The following PLEKHG3 variants were observed in gnomAD, a reference collection of about 807,000 sequenced individuals.
The protein encoded by PLEKHG3 is pleckstrin homology domain-containing family G member 3.
Under a neutral mutation model 94.9 loss-of-function variants are expected in PLEKHG3, and 62 were observed. The observed-to-expected ratio is 0.65, with a 90% CI of 0.53 to 0.81. The LOEUF is 0.81. Ranked by LOEUF, PLEKHG3 falls within the 30% of genes least tolerant of loss-of-function variation. PLEKHG3 has a pLI of 0.00. For missense variants in PLEKHG3, 1,461 were observed against 1,619.3 expected, an observed-to-expected ratio of 0.90 and a Z score of 1.68; for synonymous variants, 614 against 654.0, an observed-to-expected ratio of 0.94 and a Z score of 0.93.
At position 64,743,250 on chromosome 14, in the gene PLEKHG3, C is replaced by G. The variant is rs1487265145; in HGVS notation, c.3207C>G (p.Gly1069=). The G allele has an allele frequency of 3.1e-6, 5 of 1,606,336 alleles. No individual in the cohort carries two copies. The highest frequency in any genetic ancestry group is 3.4e-5 in the Admixed American group (2 of 59,696). The part of the protein sequence containing the change: ...SRDEARRAGG[G]RPRGPPVNRS... ...ATGAGGCACGCCGAGCAGGGGGCGGCCGGCCCCGCGGCCCACCCGTCAACA... is the reference window on the plus strand; with the variant it reads ...ATGAGGCACGCCGAGCAGGGGGCGGGCGGCCCCGCGGCCCACCCGTCAACA... The change falls in exon 17 of 17, where the codon GGC becomes GGG. Residue 1069 remains glycine, a synonymous_variant. Coordinates refer to ENST00000247226, the MANE Select transcript of PLEKHG3 (RefSeq NM_001308147.2). The surrounding 1 kb of genome is among the most constrained non-coding windows in gnomAD (Gnocchi z 7.2).
In PLEKHG3 at chr14:64,737,388, GGGAGGAGGGGACT is replaced by G. The variant is rs753795790; in HGVS notation, c.1404+16_1404+28del. The stretch of plus-strand genomic sequence containing the variant: ...AGCAGGAATGAAGGTAAAGGCCAGT[GGGAGGAGGGGACT>G]GGCTGACAGAGGAGGGTGGGACTGC... On this transcript the variant is annotated intron_variant, in intron 14 of 16. Transcript: ENST00000247226. The G allele has an allele frequency of 5.7e-6, 9 of 1,577,202 alleles. No individual in the cohort carries two copies. In the East Asian group the frequency reaches 2.0e-4, roughly 35 times the overall value.
intron 14 of PLEKHG3, chr14:64,737,987 G>A: frequency 1.6e-6 from 2 of 1,250,738 alleles, no homozygotes; most frequent in Non-Finnish European, 2.1e-6. Context: ...TGGAGGAGGA[G>A]GAGGAGGAGG....
Position 64,738,318 on chromosome 14 carries a change from C to A in PLEKHG3, c.1405-424C>A. On this transcript the variant is annotated intron_variant, in intron 14 of 16. Transcript: ENST00000247226. This position sits in a 1 kb window ranked among gnomAD's most constrained non-coding sequence, Gnocchi z 4.8. ...CCCCTCTGCTGCCCTCCTCACCCCA[C>A]CCTGCCCTGGTTTTACTCCTCCCCT... is the stretch of plus-strand genomic sequence containing the variant. The A allele has an allele frequency of 1.4e-6, 1 of 737,566 alleles. No homozygotes were observed. The highest frequency in any genetic ancestry group is 1.6e-5 in the South Asian group (1 of 61,134). 45.7% of individuals were successfully genotyped at this position (737,566 alleles called of 1,614,324 possible). A position where few individuals can be genotyped will look rare whatever the true frequency, so the allele number is the denominator to read the frequency against.
intron 12 of PLEKHG3, among the ~76,000 whole-genome samples, chr14:64,734,102 C>G (rs935209253): frequency 1.3e-5 from 2 of 152,032 alleles, no homozygotes; most frequent in African/African-American, 2.4e-5. Context: ...TGTTAGCCTT[C>G]GAGAAGGTGG....
In PLEKHG3 at chr14:64,715,923, C is replaced by T. The variant is rs941710508; in HGVS notation, c.-40+11219C>T. 25 of 417,570 alleles carry T rather than the reference C, an allele frequency of 6.0e-5. No homozygotes were observed. The highest frequency in any genetic ancestry group is 1.5e-4 in the East Asian group (2 of 13,526). The allele number at this position is 417,570 out of a possible 1,614,324, so 25.9% of individuals were successfully genotyped here. On this transcript the variant is annotated intron_variant, in intron 1 of 16. Transcript: ENST00000247226. This position sits in a 1 kb window ranked among gnomAD's most constrained non-coding sequence, Gnocchi z 4.4. ...TGGTTCTGAATAGAACATTTATTGACGAAGTTTTGCAGGAGGCGGCGGGCG... is the reference window on the plus strand; with the variant it reads ...TGGTTCTGAATAGAACATTTATTGATGAAGTTTTGCAGGAGGCGGCGGGCG...
rs929858489 is a variant in PLEKHG3, at chr14:64,737,801, T to G, written c.1404+426T>G. On this transcript the variant is annotated intron_variant, in intron 14 of 16. Coordinates refer to ENST00000247226, the MANE Select transcript of PLEKHG3 (RefSeq NM_001308147.2). Reference sequence around the variant, plus strand: ...TGAAGGCTCCCCCCCCGCAGCTGCCTGCAGGAGGACGGGAGGTTGCCCAAG... The same window carrying G: ...TGAAGGCTCCCCCCCCGCAGCTGCCGGCAGGAGGACGGGAGGTTGCCCAAG... The G allele has an allele frequency of 2.1e-5, 19 of 917,912 alleles. No individual in the cohort carries two copies. In the East Asian group the frequency reaches 1.6e-3, roughly 76 times the overall value. The allele number at this position is 917,912 out of a possible 1,614,324, so 56.9% of individuals were successfully genotyped here.
intron 12 of PLEKHG3, among the ~76,000 whole-genome samples, chr14:64,733,410 C>T (rs1383177796): frequency 2.0e-5 from 3 of 152,074 alleles, no homozygotes; most frequent in Non-Finnish European, 4.4e-5. Flanking sequence ...TCAGGTGATC[C>T]GCCCGTCTCG....
chr14:64,749,635 C>T lies in PLEKHG3; in HGVS notation c.*5932C>T, dbSNP rs2081912157. On this transcript the variant is annotated 3_prime_UTR_variant, in exon 17 of 17. Coordinates refer to ENST00000247226, the MANE Select transcript of PLEKHG3 (RefSeq NM_001308147.2). This position sits in a 1 kb window ranked among gnomAD's most constrained non-coding sequence, Gnocchi z 4.7. ...TACCCCCTTCTTAGCCAGGTCTGGG[C>T]TAGGCTGCCCGCGCTTACCTCATCC... 6.2e-7 allele frequency: 1 copy of T among 1,613,420 alleles called. No homozygotes were observed. Among genetic ancestry groups the T allele is most frequent in the Non-Finnish European group, 8.5e-7 (1 of 1,179,906 alleles).
chr14:64,711,467 G>A (rs549186600), intron 1 of PLEKHG3, among the ~76,000 whole-genome samples: 1 of 150,974 alleles, frequency 6.6e-6, no homozygotes, highest in African/African-American at 2.4e-5. Flanking sequence ...AGGCTGGAGT[G>A]CAGTGGCATG....
chr14:64,725,796 G>A lies in PLEKHG3; in HGVS notation c.-39-1797G>A, dbSNP rs1183933220. 3.9e-5 allele frequency among the ~76,000 whole-genome samples: 6 copies of A among 152,254 alleles called. No individual in the cohort carries two copies. The highest frequency in any genetic ancestry group is 8.8e-5 in the Non-Finnish European group (6 of 68,040). On this transcript the variant is annotated intron_variant, in intron 1 of 16. Transcript: ENST00000247226. This position sits in a 1 kb window ranked among gnomAD's most constrained non-coding sequence, Gnocchi z 5.0. ...CACAGTGACAAAGTGCTGTGCTCCAGAGCATCCCGGCCAGGTTAGCGGCAG... is the reference window on the plus strand; with the variant it reads ...CACAGTGACAAAGTGCTGTGCTCCAAAGCATCCCGGCCAGGTTAGCGGCAG...
chr14:64,716,834 T>C lies in PLEKHG3; in HGVS notation c.-39-10759T>C, dbSNP rs2081172160. Among the ~76,000 whole-genome samples, 1 of 152,172 alleles carries C rather than the reference T, an allele frequency of 6.6e-6. No individual in the cohort carries two copies. Among genetic ancestry groups the C allele is most frequent in the Admixed American group, 6.5e-5 (1 of 15,286 alleles). On this transcript the variant is annotated intron_variant, in intron 1 of 16. Transcript: ENST00000247226. This position sits in a 1 kb window ranked among gnomAD's most constrained non-coding sequence, Gnocchi z 5.0. ...TTCCTCGGCCGTGTCTCTACACGTG[T>C]GCACCCCAGAATTGGGATTGGGTAA...
At chr14:64,737,996 G>C in intron 14 of PLEKHG3, 3 of 1,263,202 alleles carry the variant, frequency 2.4e-6, no homozygotes, top group Non-Finnish European at 3.1e-6. Context: ...AGGAGGAGGA[G>C]GAGGAGGAAG....
chr14:64,709,797 A>G (rs934316849), intron 1 of PLEKHG3, among the ~76,000 whole-genome samples: 5 of 151,748 alleles, frequency 3.3e-5, no homozygotes, highest in Non-Finnish European at 7.4e-5. Flanking sequence ...ATTCTCATAT[A>G]GCTTCTATTC....
chr14:64,749,507 G>A lies in PLEKHG3; in HGVS notation c.*5804G>A, dbSNP rs767391649. 1.3e-6 allele frequency: 2 copies of A among 1,597,312 alleles called. No homozygotes were observed. Among genetic ancestry groups the A allele is most frequent in the Non-Finnish European group, 1.7e-6 (2 of 1,177,466 alleles). ...CGGAGGGTCACGGTGGAGTCTGGAG[G>A]CCCACAGCCCCCCACCTCCCGGGCC... On this transcript the variant is annotated 3_prime_UTR_variant, in exon 17 of 17. Transcript: ENST00000247226. The surrounding 1 kb of genome is among the most constrained non-coding windows in gnomAD (Gnocchi z 4.7).
intron 1 of PLEKHG3, among the ~76,000 whole-genome samples, chr14:64,707,097 C>A (rs1414913578): frequency 2.0e-5 from 3 of 152,224 alleles, no homozygotes; most frequent in Admixed American, 6.5e-5. Context: ...CTCTGGCCAG[C>A]TGCAAGTCCA....
rs1053316352 is a variant in PLEKHG3, at chr14:64,721,010, G to A, written c.-39-6583G>A. On this transcript the variant is annotated intron_variant, in intron 1 of 16. Coordinates refer to ENST00000247226, the MANE Select transcript of PLEKHG3 (RefSeq NM_001308147.2). This position sits in a 1 kb window ranked among gnomAD's most constrained non-coding sequence, Gnocchi z 4.3. ...GCCTTATGATCACATCAGGCCCACCGGGCTAATCCAGGATAATCTTCCATC... is the reference window on the plus strand; with the variant it reads ...GCCTTATGATCACATCAGGCCCACCAGGCTAATCCAGGATAATCTTCCATC... Among the ~76,000 whole-genome samples the A allele has an allele frequency of 9.2e-5, 14 of 152,320 alleles. No homozygotes were observed. The highest frequency in any genetic ancestry group is 3.4e-3 in the Middle Eastern group (1 of 294).
intron 12 of PLEKHG3, among the ~76,000 whole-genome samples, chr14:64,734,524 T>C (rs1234060975): frequency 6.6e-6 from 1 of 152,188 alleles, no homozygotes; most frequent in Admixed American, 6.5e-5. Flanking sequence ...TGAATTATAT[T>C]TCAATAAAGC....
chr14:64,749,632 G>C lies in PLEKHG3; in HGVS notation c.*5929G>C, dbSNP rs2139416718. 5 of 1,613,362 alleles carry C rather than the reference G, an allele frequency of 3.1e-6. No individual in the cohort carries two copies. The East Asian group carries it at 1.1e-4, about 36-fold the overall frequency. On this transcript the variant is annotated 3_prime_UTR_variant, in exon 17 of 17. Coordinates refer to ENST00000247226, the MANE Select transcript of PLEKHG3 (RefSeq NM_001308147.2). This position sits in a 1 kb window ranked among gnomAD's most constrained non-coding sequence, Gnocchi z 4.7. Reference sequence around the variant, plus strand: ...ACCTACCCCCTTCTTAGCCAGGTCTGGGCTAGGCTGCCCGCGCTTACCTCA... The same window carrying C: ...ACCTACCCCCTTCTTAGCCAGGTCTCGGCTAGGCTGCCCGCGCTTACCTCA...
At chr14:64,706,189 C>A (rs867864127) in intron 1 of PLEKHG3, among the ~76,000 whole-genome samples, 9 of 152,188 alleles carry the variant, frequency 5.9e-5, no homozygotes, top group African/African-American at 2.2e-4. Flanking sequence ...GAGTTTTAGA[C>A]CTGGCTCTTC....
Sources: allele counts gnomAD v4.1 joint callset (sites outside exome capture counted in the v4.1 genomes callset), GRCh38; gene constraint gnomAD v4.1.1; non-coding constraint Gnocchi (gnomAD v3.1); transcripts MANE v1.5; gene names NCBI Gene and HGNC (gene_info 2026-07-23, HGNC 2026-07-21).